The following SV2B variants were observed in gnomAD, a reference collection of about 807,000 sequenced individuals.
SV2B encodes the protein synaptic vesicle glycoprotein 2B.
A neutral mutation model predicts 73.9 loss-of-function variants in SV2B; 41 were observed. The observed-to-expected ratio is 0.56, with a 90% CI of 0.43 to 0.72. The LOEUF (loss-of-function observed/expected upper bound fraction) is 0.72. Ranked by LOEUF, SV2B falls within the 30% of genes least tolerant of loss-of-function variation. The pLI is 0.00. For synonymous variants in SV2B, 314 were observed against 314.2 expected, an observed-to-expected ratio of 1.00 and a Z score of 0.01; for missense variants, 764 against 857.8, an observed-to-expected ratio of 0.89 and a Z score of 1.37.
At chr15:91,144,583 C>G (rs976872480) in intron 1 of SV2B, among the ~76,000 whole-genome samples, 12 of 152,094 alleles carry the variant, frequency 7.9e-5, no homozygotes, top group African/African-American at 2.4e-4. Flanking sequence ...GGTGAAAGAC[C>G]TTTACTTAAA....
rs985848274 is a variant in SV2B, at chr15:91,106,182, G to C, written c.-392+5819G>C. Reference sequence around the variant, plus strand: ...GAATTTTGACCTAAGCAGCTGGATGGAGTAGCACTTTAGTGAGGTGGAGAG... The same window carrying C: ...GAATTTTGACCTAAGCAGCTGGATGCAGTAGCACTTTAGTGAGGTGGAGAG... On this transcript the variant is annotated intron_variant, in intron 1 of 12. Transcript: ENST00000394232. This position sits in a 1 kb window ranked among gnomAD's most constrained non-coding sequence, Gnocchi z 4.4. 6.6e-6 allele frequency among the ~76,000 whole-genome samples: 1 copy of C among 152,206 alleles called. No homozygotes were observed. The highest frequency in any genetic ancestry group is 1.5e-5 in the Non-Finnish European group (1 of 68,036).
intron 1 of SV2B, among the ~76,000 whole-genome samples, chr15:91,113,825 A>G (rs981896294): frequency 1.3e-5 from 2 of 152,184 alleles, no homozygotes; most frequent in Non-Finnish European, 1.5e-5. Context: ...TCTTTAAAAT[A>G]GTCGCAGTAA....
chr15:91,233,319 A>C (rs1442772655), intron 2 of SV2B, among the ~76,000 whole-genome samples: 1 of 152,228 alleles, frequency 6.6e-6, no homozygotes, highest in Admixed American at 6.5e-5. Context: ...AATGAGTATA[A>C]AGACTTTGGC....
chr15:91,123,529 G>GA lies in SV2B; in HGVS notation c.-392+23168dup, dbSNP rs2042396087. 6.6e-6 allele frequency among the ~76,000 whole-genome samples: 1 copy of GA among 152,140 alleles called. No individual in the cohort carries two copies. The highest frequency in any genetic ancestry group is 1.5e-5 in the Non-Finnish European group (1 of 68,032). ...GAGCCTGCACTTGGGTACCCCGGGAGAACTTAGGGAGACGGGATCTGGTTC... is the reference window on the plus strand; with the variant it reads ...GAGCCTGCACTTGGGTACCCCGGGAGAAACTTAGGGAGACGGGATCTGGTTC... On this transcript the variant is annotated intron_variant, in intron 1 of 12. Transcript: ENST00000394232. The surrounding 1 kb of genome is among the most constrained non-coding windows in gnomAD (Gnocchi z 4.7).
chr15:91,114,103 G>A (rs962460316), intron 1 of SV2B, among the ~76,000 whole-genome samples: 2 of 144,070 alleles, frequency 1.4e-5, no homozygotes, highest in Non-Finnish European at 3.0e-5. Context: ...AGAATGGTGC[G>A]AACCCAGGAG....
chr15:91,129,557 AGGTCACATGT>A lies in SV2B; in HGVS notation c.-392+29196_-392+29205del, dbSNP rs2042582267. Among the ~76,000 whole-genome samples the A allele has an allele frequency of 6.6e-6, 1 of 152,202 alleles. No homozygotes were observed. The highest frequency in any genetic ancestry group is 2.4e-5 in the African/African-American group (1 of 41,456). ...CAAGGGTGGACAGAACCAAAACAGA[AGGTCACATGT>A]GCCCAGCACAGCACACTGGGCACAG... On this transcript the variant is annotated intron_variant, in intron 1 of 12. Transcript: ENST00000394232. The surrounding 1 kb of genome is among the most constrained non-coding windows in gnomAD (Gnocchi z 5.1).
chr15:91,175,750 T>C (rs928687620), intron 1 of SV2B, among the ~76,000 whole-genome samples: 1 of 151,740 alleles, frequency 6.6e-6, no homozygotes, highest in Non-Finnish European at 1.5e-5. Context: ...ATAGATCTAA[T>C]CTAATCTTGA....
intron 1 of SV2B, among the ~76,000 whole-genome samples, chr15:91,155,782 C>G (rs369708337): frequency 6.6e-6 from 1 of 152,206 alleles, no homozygotes; most frequent in African/African-American, 2.4e-5. Flanking sequence ...TTTGACAAAA[C>G]TAGAAGGATC....
At chr15:91,165,308 G>T (rs2043873012) in intron 1 of SV2B, among the ~76,000 whole-genome samples, 1 of 152,174 alleles carries the variant, frequency 6.6e-6, no homozygotes, top group African/African-American at 2.4e-5. Context: ...TCTAGCCTGG[G>T]CGACAAGAGC....
rs773797611 is a variant in SV2B at position 91,232,038 on chromosome 15, C to T, written c.451+5324C>T. On this transcript the variant is annotated intron_variant, in intron 2 of 12. Coordinates refer to ENST00000394232, the MANE Select transcript of SV2B (RefSeq NM_001323032.3). This position sits in a 1 kb window ranked among gnomAD's most constrained non-coding sequence, Gnocchi z 4.7. Reference sequence around the variant, plus strand: ...GATTGTTTTATATGCAAATTCTAGCCGAGCATCAGGGCATAATATTTGATT... The same window carrying T: ...GATTGTTTTATATGCAAATTCTAGCTGAGCATCAGGGCATAATATTTGATT... Among the ~76,000 whole-genome samples the T allele has an allele frequency of 6.6e-5, 10 of 152,088 alleles. No individual in the cohort carries two copies. The highest frequency in any genetic ancestry group is 7.4e-5 in the Non-Finnish European group (5 of 68,014).
intron 1 of SV2B, among the ~76,000 whole-genome samples, chr15:91,113,830 C>T (rs1395484644): frequency 2.0e-5 from 3 of 152,042 alleles, no homozygotes; most frequent in African/African-American, 7.3e-5. Context: ...AAAATAGTCG[C>T]AGTAAGGTCT....
At chr15:91,263,736 C>G (rs576143787) in intron 6 of SV2B, among the ~76,000 whole-genome samples, 2 of 152,206 alleles carry the variant, frequency 1.3e-5, no homozygotes, top group African/African-American at 4.8e-5. Flanking sequence ...ATCACCCATA[C>G]CAAGCGTTTG....
chr15:91,216,831 G>T (rs913407437), intron 1 of SV2B, among the ~76,000 whole-genome samples: 1 of 151,384 alleles, frequency 6.6e-6, no homozygotes, highest in African/African-American at 2.4e-5. Context: ...ATTCAAGGCA[G>T]GGACATTCTG....
At chr15:91,175,731 C>T (rs1336252807) in intron 1 of SV2B, among the ~76,000 whole-genome samples, 1 of 151,372 alleles carries the variant, frequency 6.6e-6, no homozygotes, top group Admixed American at 6.6e-5. Flanking sequence ...ATATATGTGA[C>T]TATCTATTAT....
chr15:91,196,907 G>A (rs1036488005), intron 1 of SV2B, among the ~76,000 whole-genome samples: 5 of 152,334 alleles, frequency 3.3e-5, no homozygotes, highest in Non-Finnish European at 5.9e-5. Flanking sequence ...TGATAATCAT[G>A]ATGGCTGCTG....
chr15:91,164,456 T>G (rs2043839477), intron 1 of SV2B, among the ~76,000 whole-genome samples: 1 of 152,200 alleles, frequency 6.6e-6, no homozygotes, highest in Non-Finnish European at 1.5e-5. Flanking sequence ...ATCCTTCTTA[T>G]GCTTTGAATC....
At chr15:91,146,961 C>A (rs1391752442) in intron 1 of SV2B, among the ~76,000 whole-genome samples, 1 of 152,252 alleles carries the variant, frequency 6.6e-6, no homozygotes, top group Non-Finnish European at 1.5e-5. Context: ...GTGACTCATG[C>A]AATGTTTGCA....
In SV2B at chr15:91,288,643, T is replaced by TTC. The variant is rs369783225; in HGVS notation, c.1709-863_1709-862dup. On this transcript the variant is annotated intron_variant, in intron 11 of 12. Coordinates refer to ENST00000394232, the MANE Select transcript of SV2B (RefSeq NM_001323032.3). The surrounding 1 kb of genome is among the most constrained non-coding windows in gnomAD (Gnocchi z 5.8). ...CTCTCTCTCTTTCTCTCTTCTTTCTTTCTCTCTCTCTCTCTCCTTCCTTCC... is the reference window on the plus strand; with the variant it reads ...CTCTCTCTCTTTCTCTCTTCTTTCTTTCTCTCTCTCTCTCTCTCCTTCCTTCC... 4.8e-3 allele frequency among the ~76,000 whole-genome samples: 724 copies of TTC among 151,336 alleles called. 6 individuals carry two copies. Among genetic ancestry groups the TTC allele is most frequent in the African/African-American group, 0.015 (631 of 41,282 alleles).
chr15:91,257,263 C>T (rs2047730815), intron 4 of SV2B, among the ~76,000 whole-genome samples: 1 of 152,166 alleles, frequency 6.6e-6, no homozygotes, highest in African/African-American at 2.4e-5. Context: ...TAGGAGCGTT[C>T]ACACATGACA....
Sources: gnomAD v4.1 joint callset for allele counts (sites outside exome capture counted in the v4.1 genomes callset) on GRCh38, gnomAD v4.1.1 for gene constraint, Gnocchi (gnomAD v3.1) non-coding constraint, MANE v1.5 for transcripts, NCBI Gene and HGNC (gene_info 2026-07-23, HGNC 2026-07-21) for gene names.